HOXB3: variants seen among roughly 807,000 people sequenced by gnomAD.
The protein encoded by HOXB3 is homeobox B3.
HOXB3 carries 17 observed loss-of-function variants against 29.2 expected under a neutral mutation model. The observed-to-expected ratio is 0.58, with a 90% CI of 0.40 to 0.87. HOXB3 has a LOEUF of 0.87. HOXB3 is among the 40% of genes least tolerant of loss of function. HOXB3 has a pLI of 0.00. For synonymous variants in HOXB3, 317 were observed against 285.9 expected (o/e 1.11, Z -1.10); for missense variants, 637 against 616.3 (o/e 1.03, Z -0.35).
chr17:48,589,244 G>A (rs1052442360), intron 1 of HOXB3, among the ~76,000 whole-genome samples: 1 of 152,168 alleles, frequency 6.6e-6, no homozygotes, highest in Non-Finnish European at 1.5e-5. Context: ...TTCTCTTCCA[G>A]CTCCTGAATC....
intron 2 of HOXB3, among the ~76,000 whole-genome samples, chr17:48,572,496 G>T (rs1346025389): frequency 6.6e-6 from 1 of 152,090 alleles, no homozygotes; most frequent in African/African-American, 2.4e-5. Flanking sequence ...TGTGGATTAG[G>T]CCCCTCCAAC....
Position 48,561,183 on chromosome 17 carries a change from A to AACACACACACACACACACACACAC in HOXB3, c.-246-5589_-246-5566dup, listed in dbSNP as rs530713063. ...CAACAAGAGCGAAACTCCGTCTCAA[A>AACACACACACACACACACACACAC]ACACACACACACACACACACACACA... On this transcript the variant is annotated intron_variant, in intron 2 of 4. Coordinates refer to ENST00000498678, the MANE Select transcript of HOXB3 (RefSeq NM_001384749.1). Among the ~76,000 whole-genome samples, 204 of 125,474 alleles carry AACACACACACACACACACACACAC rather than the reference A, an allele frequency of 1.6e-3. 1 individual carries two copies. Among genetic ancestry groups the AACACACACACACACACACACACAC allele is most frequent in the East Asian group, 6.6e-3 (25 of 3,780 alleles). 82.3% of individuals were successfully genotyped at this position (125,474 alleles called of 152,430 possible). A position where few individuals can be genotyped will look rare whatever the true frequency, so the allele number is the denominator to read the frequency against.
chr17:48,577,109 T>G, intron 1 of HOXB3: 1 of 1,267,044 alleles, frequency 7.9e-7, no homozygotes. Context: ...AGCGTTTCCC[T>G]CCCTCCCTCT....
intron 1 of HOXB3, among the ~76,000 whole-genome samples, chr17:48,577,590 A>G (rs2069808179): frequency 6.6e-6 from 1 of 152,046 alleles, no homozygotes. Context: ...CTTCATTAAG[A>G]CTGTATCTCC....
At chr17:48,582,917 C>T (rs1215342600) in intron 1 of HOXB3, among the ~76,000 whole-genome samples, 1 of 152,150 alleles carries the variant, frequency 6.6e-6, no homozygotes, top group African/African-American at 2.4e-5. Flanking sequence ...GAGGCTGGCA[C>T]GGGGAAAACT....
chr17:48,585,592 G>T (rs1235604599), intron 1 of HOXB3, among the ~76,000 whole-genome samples: 1 of 152,170 alleles, frequency 6.6e-6, no homozygotes, highest in Non-Finnish European at 1.5e-5. Flanking sequence ...CCAGAGCAGC[G>T]GCGGTGCGGA....
chr17:48,584,861 A>AC (rs2070016272), intron 1 of HOXB3, among the ~76,000 whole-genome samples: 1 of 151,524 alleles, frequency 6.6e-6, no homozygotes, highest in Middle Eastern at 3.2e-3. Context: ...AGTCTTCCTT[A>AC]CCTCCAGCAT....
rs532979945 is a variant in HOXB3 at position 48,550,385 on chromosome 17, C to T, written c.1245G>A (p.Ala415=). 6.2e-7 allele frequency: 1 copy of T among 1,614,058 alleles called. No homozygotes were observed. The highest frequency in any genetic ancestry group is 1.7e-5 in the Admixed American group (1 of 60,024). Residue 415 remains alanine (A), a synonymous_variant, in exon 5 of 5, where the codon GCG becomes GCA. Coordinates refer to ENST00000498678, the MANE Select transcript of HOXB3 (RefSeq NM_001384749.1). ...CTTGGATTCTACCCTGAGGAGGAGG[C>T]GCGTGGTGAGAGGAGAGGTCTGTGT... ...PTYTDLSSHH[A]PPPQGRIQEA... is the part of the protein sequence containing the mutation.
rs1355490518 is a variant in HOXB3 at position 48,550,216 on chromosome 17, C to T, written c.*118G>A. On this transcript the variant is annotated 3_prime_UTR_variant, in exon 5 of 5. Transcript: ENST00000498678. ...GGAAGGAGCTCCAGGCCGGTTCTGA[C>T]CAGGAAGCCTGGGTACCACCTTCTC... The T allele has an allele frequency of 2.1e-6, 3 of 1,408,416 alleles. No individual in the cohort carries two copies. The highest frequency in any genetic ancestry group is 2.7e-5 in the South Asian group (2 of 74,606). 87.2% of individuals were successfully genotyped at this position (1,408,416 alleles called of 1,614,324 possible).
Position 48,550,484 on chromosome 17 carries a change from C to A in HOXB3, c.1146G>T (p.Gly382=), listed in dbSNP as rs1168193058. ...GGGGCGCCCCGTTGTAGTCCAGGTT[C>A]CCGGAAGGGTGATGGGAAAGGTGGT... ...GLNHLSHHPS[G]NLDYNGAPPM... Residue 382 remains glycine (G), a synonymous_variant, in exon 5 of 5, where the codon GGG becomes GGT. Coordinates refer to ENST00000498678, the MANE Select transcript of HOXB3 (RefSeq NM_001384749.1). 1 of 1,607,824 alleles carries A rather than the reference C, an allele frequency of 6.2e-7. No individual in the cohort carries two copies. The highest frequency in any genetic ancestry group is 8.5e-7 in the Non-Finnish European group (1 of 1,178,560).
intron 3 of HOXB3, 196 bp downstream of exon 3, chr17:48,555,335 G>GGAGAGAGA (rs763845981): frequency 6.4e-4 from 303 of 470,580 alleles, no homozygotes; most frequent in South Asian, 2.2e-3. Flanking sequence ...AGAGAGAGAG[G>GGAGAGAGA]GAGAGAGAGA....
At chr17:48,576,887 G>T in intron 1 of HOXB3, 2 of 1,614,242 alleles carry the variant, frequency 1.2e-6, no homozygotes, top group Non-Finnish European at 8.5e-7. Context: ...GGCAGAGCGC[G>T]TGGGCGATCT....
chr17:48,571,554 C>T (rs2069586988), intron 2 of HOXB3, among the ~76,000 whole-genome samples: 1 of 152,230 alleles, frequency 6.6e-6, no homozygotes, highest in Admixed American at 6.5e-5. Flanking sequence ...GAACCCCAGG[C>T]TTCCCTGACT....
intron 1 of HOXB3, among the ~76,000 whole-genome samples, 197 bp downstream of exon 1, chr17:48,589,924 AAATC>A (rs569405766): frequency 1.1e-3 from 174 of 152,096 alleles, no homozygotes; most frequent in Non-Finnish European, 2.1e-3. Context: ...CTGTTGGTAA[AAATC>A]AGGCACCCCC....
intron 2 of HOXB3, among the ~76,000 whole-genome samples, chr17:48,562,466 T>C (rs1201704388): frequency 6.6e-6 from 1 of 152,148 alleles, no homozygotes; most frequent in Non-Finnish European, 1.5e-5. Context: ...CAAAGCTTGC[T>C]TTCCCTACCC....
chr17:48,583,641 C>A (rs996426756), intron 1 of HOXB3, among the ~76,000 whole-genome samples: 2 of 152,258 alleles, frequency 1.3e-5, no homozygotes, highest in African/African-American at 4.8e-5. Context: ...GAGGCCACTT[C>A]TTCCCCATCC....
At chr17:48,586,525 C>T (rs1271232676) in intron 1 of HOXB3, among the ~76,000 whole-genome samples, 1 of 152,298 alleles carries the variant, frequency 6.6e-6, no homozygotes, top group East Asian at 1.9e-4. Flanking sequence ...GCTGCTGCCC[C>T]CGTCTGCTGA....
chr17:48,552,817 T>G, intron 3 of HOXB3, 185 bp from the exon 4 acceptor site: 1 of 266,012 alleles, frequency 3.8e-6, no homozygotes, highest in Non-Finnish European at 7.1e-6. Flanking sequence ...AAAAAATAAA[T>G]AAAGACTATA....
intron 2 of HOXB3, among the ~76,000 whole-genome samples, chr17:48,560,781 C>T (rs533391789): frequency 1.3e-5 from 2 of 152,322 alleles, no homozygotes; most frequent in South Asian, 4.1e-4. Flanking sequence ...AGTGCTGTGG[C>T]ACCCTGTGTG....
Sources: gnomAD v4.1 joint callset for allele counts (sites outside exome capture counted in the v4.1 genomes callset) on GRCh38, gnomAD v4.1.1 for gene constraint, MANE v1.5 for transcripts, NCBI Gene and HGNC (gene_info 2026-07-23, HGNC 2026-07-21) for gene names.